The following TMEM131 variants were observed in gnomAD, a reference collection of about 807,000 sequenced individuals.
TMEM131 encodes transmembrane protein 131.
Under a neutral mutation model 211.6 loss-of-function variants are expected in TMEM131, and 66 were observed. The observed-to-expected ratio is 0.31, with a 90% CI of 0.26 to 0.38. TMEM131 has a LOEUF of 0.38. Ranked by LOEUF, TMEM131 falls within the 10% of genes least tolerant of loss-of-function variation. The pLI, the probability that TMEM131 is intolerant of heterozygous loss-of-function variation, is 1.00. For missense variants in TMEM131, 2,036 were observed against 2,299.3 expected, an observed-to-expected ratio of 0.89 and a Z score of 2.34; for synonymous variants, 844 against 841.3, an observed-to-expected ratio of 1.00 and a Z score of -0.06.
At position 97,935,336 on chromosome 2, in the gene TMEM131, T is replaced by C. The variant is rs541813718; in HGVS notation, c.188-7849A>G. Among the ~76,000 whole-genome samples the C allele has an allele frequency of 4.6e-5, 7 of 152,286 alleles. No individual in the cohort carries two copies. In the East Asian group the frequency reaches 7.7e-4, roughly 17 times the overall value. Reference sequence around the variant, plus strand: ...AGTATTCTTTGTCAAGATATTGCCATTGGGAGGAACCAGGTACAGGCTACA... The same window carrying C: ...AGTATTCTTTGTCAAGATATTGCCACTGGGAGGAACCAGGTACAGGCTACA... On this transcript the variant is annotated intron_variant, in intron 1 of 40. Coordinates refer to ENST00000186436, the MANE Select transcript of TMEM131 (RefSeq NM_015348.2).
At chr2:97,850,522 C>T (rs1673577611) in intron 5 of TMEM131, among the ~76,000 whole-genome samples, 1 of 152,122 alleles carries the variant, frequency 6.6e-6, no homozygotes, top group African/African-American at 2.4e-5. Flanking sequence ...TTAATCCAGG[C>T]TGACCATGAC....
intron 4 of TMEM131, among the ~76,000 whole-genome samples, chr2:97,860,536 T>A (rs1053465215): frequency 2.0e-5 from 3 of 152,242 alleles, no homozygotes; most frequent in African/African-American, 7.2e-5. Flanking sequence ...AGAACTTCAT[T>A]TTATATTTCG....
chr2:97,796,237 A>C lies in TMEM131; in HGVS notation c.3181T>G (p.Ser1061Ala). ...CQEFTLSANA[S>A]RDIIILFTPD... ...ACTTACAATATGATTATATCTCTAG[A>C]AGCATTGGCACTTAGAGTAAACTCT... Residue 1061 changes from serine to alanine, a missense_variant, in exon 28 of 41, where the codon TCT becomes GCT. Physicochemically the swap from Ser to Ala is moderately conservative, Grantham distance 99 (BLOSUM62 1). Coordinates refer to ENST00000186436, the MANE Select transcript of TMEM131 (RefSeq NM_015348.2). The C allele has an allele frequency of 6.4e-6, 10 of 1,556,576 alleles. No individual in the cohort carries two copies. Among genetic ancestry groups the C allele is most frequent in the Non-Finnish European group, 8.7e-6 (10 of 1,147,378 alleles).
At chr2:97,802,062 C>A in intron 24 of TMEM131, 101 bp from the exon 25 acceptor site, 1 of 772,864 alleles carries the variant, frequency 1.3e-6, no homozygotes, top group South Asian at 2.4e-5. Context: ...AAATTATTGT[C>A]TGTCAGGTTT....
At chr2:97,960,874 A>AT (rs145040981) in intron 1 of TMEM131, among the ~76,000 whole-genome samples, 2,705 of 152,286 alleles carry the variant, frequency 0.018, 113 homozygotes, top group East Asian at 0.15. Context: ...GATGGTTTAC[A>AT]TTTTTAAAAA....
intron 5 of TMEM131, among the ~76,000 whole-genome samples, chr2:97,848,114 G>T (rs994609305): frequency 5.9e-5 from 9 of 152,118 alleles, no homozygotes; most frequent in South Asian, 2.1e-4. Context: ...TATTAGATAC[G>T]TATTAGAACA....
At position 97,814,307 on chromosome 2, in the gene TMEM131, A is replaced by T; in HGVS notation, c.1374T>A (p.Leu458=). 2 of 1,613,930 alleles carry T rather than the reference A, an allele frequency of 1.2e-6. No homozygotes were observed. The highest frequency in any genetic ancestry group is 2.2e-5 in the South Asian group (2 of 91,076). The change falls in exon 14 of 41, where the codon CTT becomes CTA. Residue 458 remains leucine, a synonymous_variant. Transcript: ENST00000186436. ...PADPVERPIY[L]TNTFSFAILI... is the part of the protein sequence containing the mutation. ...GGATCGCAAAACTGAAAGTGTTAGT[A>T]AGGTAAATTGGCCTTTCCACAGGAT...
chr2:97,859,402 T>C lies in TMEM131; in HGVS notation c.385A>G (p.Lys129Glu), dbSNP rs1243775204. ...GAACTAGGATTATGTAAGTAGACTT[T>C]TTCCATTTTTGGCATTCCAACTGGT... ...EQPVGMPKME[K>E]VYLHNPSSEE... The change falls in exon 5 of 41, where the codon AAA (lysine) becomes GAA (glutamate). Residue 129 changes from lysine (K) to glutamate (E), a missense_variant. Transcript: ENST00000186436. 1 of 1,589,352 alleles carries C rather than the reference T, an allele frequency of 6.3e-7. No homozygotes were observed. The highest frequency in any genetic ancestry group is 1.9e-5 in the Admixed American group (1 of 53,444).
In TMEM131 at chr2:97,793,418, G is replaced by A. The variant is rs781119343; in HGVS notation, c.3522C>T (p.Ile1174=). The A allele has an allele frequency of 9.3e-6, 15 of 1,613,314 alleles. No individual in the cohort carries two copies. Among genetic ancestry groups the A allele is most frequent in the Admixed American group, 3.3e-5 (2 of 59,974 alleles). Residue 1174 remains isoleucine (I), a synonymous_variant, in exon 30 of 41, where the codon ATC becomes ATT. Coordinates refer to ENST00000186436, the MANE Select transcript of TMEM131 (RefSeq NM_015348.2). ...ACTTTCCTTCAGATGAAATACCAAC[G>A]ATTCTCCTGAGATCAAATGGCCTTC... The part of the protein sequence containing the change: ...DVGRPFDLRR[I]VGISSEGNLN...
intron 1 of TMEM131, among the ~76,000 whole-genome samples, chr2:97,935,781 ACCAAAAGCTTGCAGCAATCT>A (rs1409443305): frequency 5.9e-5 from 9 of 152,376 alleles, no homozygotes; most frequent in East Asian, 5.8e-4. Flanking sequence ...CTGGCAATTA[ACCAAAAGCTTGCAGCAATCT>A]CCAAAAGCTT....
intron 33 of TMEM131, among the ~76,000 whole-genome samples, chr2:97,769,205 T>C (rs1679345233): frequency 6.6e-6 from 1 of 151,976 alleles, no homozygotes. Context: ...CAGGCTGATC[T>C]TGAACTCCTG....
At chr2:97,953,921 A>G (rs1210075342) in intron 1 of TMEM131, among the ~76,000 whole-genome samples, 1 of 152,222 alleles carries the variant, frequency 6.6e-6, no homozygotes, top group African/African-American at 2.4e-5. Context: ...TCTGTATACC[A>G]CATGTCTAAA....
At chr2:97,793,351 A>C in intron 30 of TMEM131, 44 bp downstream of exon 30, 1 of 1,544,046 alleles carries the variant, frequency 6.5e-7, no homozygotes, top group Non-Finnish European at 8.8e-7. Context: ...TTATCAGCCA[A>C]ATCTATGTAC....
intron 1 of TMEM131, among the ~76,000 whole-genome samples, chr2:97,955,724 AT>A (rs1333190831): frequency 1.3e-5 from 2 of 152,220 alleles, no homozygotes; most frequent in Non-Finnish European, 2.9e-5. Flanking sequence ...AAACCAAAAA[AT>A]AAAAAACAAA....
At chr2:97,993,579 A>T (rs976411169) in intron 1 of TMEM131, among the ~76,000 whole-genome samples, 2 of 152,166 alleles carry the variant, frequency 1.3e-5, no homozygotes, top group Admixed American at 6.5e-5. Context: ...CTCCATTAAT[A>T]TCTTGGATAA....
At chr2:97,923,382 G>A (rs1306909222) in intron 2 of TMEM131, among the ~76,000 whole-genome samples, 3 of 152,084 alleles carry the variant, frequency 2.0e-5, no homozygotes, top group African/African-American at 7.2e-5. Context: ...TAGCATTTTG[G>A]GAGGCTGAGA....
At chr2:97,858,864 G>A (rs1673951602) in intron 5 of TMEM131, among the ~76,000 whole-genome samples, 1 of 152,178 alleles carries the variant, frequency 6.6e-6, no homozygotes, top group South Asian at 2.1e-4. Context: ...CTCTGGACAA[G>A]GACTCAGCCC....
At chr2:97,824,329 C>G (rs112720828) in intron 11 of TMEM131, among the ~76,000 whole-genome samples, 3,743 of 152,220 alleles carry the variant, frequency 0.025, 162 homozygotes, top group African/African-American at 0.086. Flanking sequence ...GCTCTGGGTA[C>G]GTTTAACCAT....
At chr2:97,802,877 G>C (rs1681101275) in intron 22 of TMEM131, 87 bp from the exon 23 acceptor site, 1 of 1,213,762 alleles carries the variant, frequency 8.2e-7, no homozygotes, top group East Asian at 2.7e-5. Flanking sequence ...TTATGTACTT[G>C]AGAAATTTTT....
Sources: allele counts gnomAD v4.1 joint callset (sites outside exome capture counted in the v4.1 genomes callset), GRCh38; gene constraint gnomAD v4.1.1; transcripts MANE v1.5; gene names NCBI Gene and HGNC (gene_info 2026-07-23, HGNC 2026-07-21).